Variants in CEP72 observed in about 807,000 individuals in gnomAD.
The protein encoded by CEP72 is centrosomal protein 72.
CEP72 carries 78 observed loss-of-function variants against 65.7 expected under a neutral mutation model. The ratio of observed to expected loss-of-function variants is 1.19; its 90% CI spans 0.99 to 1.43. CEP72 has a LOEUF of 1.43. Ranked by LOEUF, CEP72 falls within the 40% of genes most tolerant of loss-of-function variation. The probability of loss-of-function intolerance (pLI) is 0.00; values close to 1 mark genes in which losing one functional copy is unlikely to be tolerated. For synonymous variants in CEP72, 358 were observed against 351.7 expected, an observed-to-expected ratio of 1.02 and a Z score of -0.20; for missense variants, 914 against 832.9, an observed-to-expected ratio of 1.10 and a Z score of -1.20.
At chr5:649,201 CTG>C (rs1330566002) in intron 11 of CEP72, among the ~76,000 whole-genome samples, 4 of 102,516 alleles carry the variant, frequency 3.9e-5, no homozygotes, top group Non-Finnish European at 5.9e-5. Flanking sequence ...TGAGGTGTGA[CTG>C]TGAGGTGTGG....
chr5:664,166 GGAGGTCTGC>G (rs1213818341), intron 2 of CEP72: 1 of 152,722 alleles, frequency 6.5e-6, no homozygotes, highest in East Asian at 1.9e-4. Context: ...TGTGGCAATG[GGAGGTCTGC>G]GAGCAAACAG....
At chr5:653,767 G>A (rs1358438924), downstream of CEP72, among the ~76,000 whole-genome samples, 4 of 152,142 alleles carry the variant, frequency 2.6e-5, no homozygotes, top group African/African-American at 9.7e-5. Flanking sequence ...GCCCTGGCTC[G>A]CTCTCTTGTT....
chr5:624,697 G>A lies in CEP72; in HGVS notation c.512+118G>A. ...CTCTCCAGGGGCGGACACCAGGAGG[G>A]AGGAAGGGCAGAGCCTGCCTGGCGG... is the stretch of plus-strand genomic sequence containing the variant. On this transcript the variant is annotated intron_variant, in intron 4 of 11. Coordinates refer to ENST00000264935, the MANE Select transcript of CEP72 (RefSeq NM_018140.4). The surrounding 1 kb of genome is among the most constrained non-coding windows in gnomAD (Gnocchi z 4.7). The A allele has an allele frequency of 1.3e-6, 1 of 759,296 alleles. No homozygotes were observed. Among genetic ancestry groups the A allele is most frequent in the Non-Finnish European group, 2.3e-6 (1 of 431,974 alleles). 47.0% of individuals were successfully genotyped at this position (759,296 alleles called of 1,614,324 possible).
Position 639,058 on chromosome 5 carries a change from C to T in CEP72, c.1207-31C>T, listed in dbSNP as rs2242439. Reference sequence around the variant, plus strand: ...GCATTCAGGACCTCAGTTACTGACTCGCTGGCCTCATGCTGTTGTTTCCAT... The same window carrying T: ...GCATTCAGGACCTCAGTTACTGACTTGCTGGCCTCATGCTGTTGTTTCCAT... On this transcript the variant is annotated intron_variant, in intron 7 of 11. Coordinates refer to ENST00000264935, the MANE Select transcript of CEP72 (RefSeq NM_018140.4). The T allele has an allele frequency of 3.3e-3, 5,347 of 1,612,474 alleles. 164 individuals carry two copies. The Admixed American group carries it at 0.063, about 19-fold the overall frequency.
At chr5:669,811 G>C (rs555145637), downstream of CEP72, among the ~76,000 whole-genome samples, 1 of 152,064 alleles carries the variant, frequency 6.6e-6, no homozygotes, top group African/African-American at 2.4e-5. Flanking sequence ...GGTGCCCCCC[G>C]CCTGGGGCAG....
At chr5:671,463 CTGTT>C (rs1021720847), downstream of CEP72, among the ~76,000 whole-genome samples, 6 of 152,210 alleles carry the variant, frequency 3.9e-5, no homozygotes, top group African/African-American at 1.2e-4. Context: ...CAGTTTCTGG[CTGTT>C]TGTTTGGAGA....
At chr5:651,323 G>T (rs71585293) in intron 11 of CEP72, among the ~76,000 whole-genome samples, 1 of 92,392 alleles carries the variant, frequency 1.1e-5, no homozygotes, top group Admixed American at 1.1e-4. Flanking sequence ...ACTGTGAGGC[G>T]TGGACTGTGA....
downstream of CEP72, chr5:660,226 T>G (rs1379855689): frequency 6.9e-6 from 1 of 144,624 alleles, no homozygotes; most frequent in Non-Finnish European, 1.5e-5. Context: ...TATATATATA[T>G]ATAAATTTGT....
chr5:637,149 G>A (rs910076707), intron 6 of CEP72, among the ~76,000 whole-genome samples: 1 of 152,190 alleles, frequency 6.6e-6, no homozygotes, highest in Non-Finnish European at 1.5e-5. Context: ...TTCAGAGATG[G>A]GCGTGTGCTT....
chr5:670,380 C>T (rs1054134010), downstream of CEP72, among the ~76,000 whole-genome samples: 1 of 152,154 alleles, frequency 6.6e-6, no homozygotes, highest in Admixed American at 6.5e-5. Flanking sequence ...CCAGAGGCTG[C>T]CACAGGTGGG....
At chr5:648,470 G>A (rs556653837) in intron 11 of CEP72, among the ~76,000 whole-genome samples, 4 of 137,340 alleles carry the variant, frequency 2.9e-5, no homozygotes, top group East Asian at 4.5e-4. Context: ...ACTGTGAGGT[G>A]TGACTGTGAG....
chr5:633,916 G>A lies in CEP72; in HGVS notation c.660G>A (p.Lys220=). Residue 220 remains lysine, a synonymous_variant, in exon 5 of 12, where the codon AAG becomes AAA. Coordinates refer to ENST00000264935, the MANE Select transcript of CEP72 (RefSeq NM_018140.4). ...RPPGSTSFSQ[K]GREADSRGSQ... The stretch of plus-strand genomic sequence containing the variant: ...CCGGGAGCACGAGCTTCAGCCAGAA[G>A]GGGCGTGAGGCCGACTCTCGTGGTT... The A allele has an allele frequency of 2.5e-6, 4 of 1,612,768 alleles. No individual in the cohort carries two copies. In the South Asian group the frequency reaches 3.3e-5, roughly 13 times the overall value.
rs186299452 is a variant in CEP72, at chr5:625,289, C to T, written c.512+710C>T. Among the ~76,000 whole-genome samples, 83 of 152,344 alleles carry T rather than the reference C, an allele frequency of 5.4e-4. 2 individuals are homozygous for T. In the Middle Eastern group the frequency reaches 0.02, roughly 37 times the overall value. ...CCGTGGAAAGTGGTCGGATTGTACA[C>T]TTTCTTGAGTACCATTTGTCTTGTC... On this transcript the variant is annotated intron_variant, in intron 4 of 11. Transcript: ENST00000264935.
At chr5:672,165 G>A (rs990740834), downstream of CEP72, among the ~76,000 whole-genome samples, 11 of 152,190 alleles carry the variant, frequency 7.2e-5, no homozygotes, top group Non-Finnish European at 1.5e-4. Flanking sequence ...GTGTCCTACC[G>A]GCCCTCCACA....
downstream of CEP72, among the ~76,000 whole-genome samples, chr5:671,065 C>G (rs919700283): frequency 6.6e-6 from 1 of 152,162 alleles, no homozygotes; most frequent in Non-Finnish European, 1.5e-5. Context: ...CCAGGCACAC[C>G]CACCATGAAG....
chr5:643,652 T>C (rs1447143470), intron 9 of CEP72: 2 of 985,108 alleles, frequency 2.0e-6, no homozygotes, highest in Admixed American at 6.2e-5. Context: ...TGCTGGTGCC[T>C]GAGAGAGCAG....
chr5:668,334 C>T (rs1580076541), downstream of CEP72, among the ~76,000 whole-genome samples: 2 of 101,852 alleles, frequency 2.0e-5, no homozygotes, highest in East Asian at 2.6e-4. Context: ...GCCGTGTGGG[C>T]GCCGTCAGGG....
the CEP72 span, chr5:676,366 ACGG>A: frequency 6.6e-6 from 1 of 152,348 alleles, no homozygotes; most frequent in East Asian, 1.9e-4. Flanking sequence ...TGCAAAGGTC[ACGG>A]CGCCCACCCA....
intron 11 of CEP72, among the ~76,000 whole-genome samples, chr5:649,106 G>GGGCTGT (rs1738700091): frequency 1.6e-4 from 13 of 81,494 alleles, no homozygotes; most frequent in South Asian, 4.3e-4. Context: ...TGTGAGGTGT[G>GGGCTGT]GACTGTGAGG....
Sources: gnomAD v4.1 joint callset for allele counts (sites outside exome capture counted in the v4.1 genomes callset) on GRCh38, gnomAD v4.1.1 for gene constraint, Gnocchi (gnomAD v3.1) non-coding constraint, MANE v1.5 for transcripts, NCBI Gene and HGNC (gene_info 2026-07-23, HGNC 2026-07-21) for gene names.